Variants in PLD5 observed in about 807,000 individuals in gnomAD.
PLD5 encodes the protein phospholipase D family member 5.
Under a neutral mutation model 61.1 loss-of-function variants are expected in PLD5, and 36 were observed. The observed-to-expected ratio is 0.59, with a 90% CI of 0.45 to 0.78. The LOEUF is 0.78. Ranked by LOEUF, PLD5 falls within the 30% of genes least tolerant of loss-of-function variation. The pLI, the probability that PLD5 is intolerant of heterozygous loss-of-function variation, is 0.00. For synonymous variants in PLD5, 243 were observed against 242.8 expected (o/e 1.00, Z -0.01); for missense variants, 515 against 644.4 (o/e 0.80, Z 2.17).
Position 242,124,490 on chromosome 1 carries a change from G to A in PLD5, c.911C>T (p.Thr304Ile), listed in dbSNP as rs978977041. Residue 304 changes from threonine (T) to isoleucine (I), a missense_variant, in exon 6 of 10, where the codon ACC becomes ATC. This residue lies in a region of PLD5 where 450 missense variants were observed against 598.1 expected (regional missense o/e 0.75). Transcript: ENST00000536534. Reference protein sequence around the residue: ...EKKLQLQLNETKSQAFVSNSP... With the variant: ...EKKLQLQLNEIKSQAFVSNSP... The stretch of plus-strand genomic sequence containing the variant: ...CACCGATACAAATGCTTGAGATTTG[G>A]TTTCATTCAACTGAAGTTGCAATTT... The A allele has an allele frequency of 6.2e-7, 1 of 1,613,932 alleles. No homozygotes were observed. Among genetic ancestry groups the A allele is most frequent in the Non-Finnish European group, 8.5e-7 (1 of 1,179,898 alleles).
chr1:242,425,188 G>C (rs1665350355), intron 1 of PLD5, among the ~76,000 whole-genome samples: 1 of 152,202 alleles, frequency 6.6e-6, no homozygotes, highest in Non-Finnish European at 1.5e-5. Flanking sequence ...TCTGTGAAAT[G>C]TGTCACTAGG....
chr1:242,333,816 T>G (rs1205627492), intron 2 of PLD5, among the ~76,000 whole-genome samples: 1 of 152,154 alleles, frequency 6.6e-6, no homozygotes, highest in East Asian at 1.9e-4. Flanking sequence ...TTGCAGGAAA[T>G]TACAGGATTT....
At chr1:242,438,547 C>T (rs1276638504) in intron 1 of PLD5, among the ~76,000 whole-genome samples, 4 of 149,956 alleles carry the variant, frequency 2.7e-5, no homozygotes, top group Admixed American at 6.7e-5. Context: ...TGGGTTCAAG[C>T]GACTCTCCTA....
intron 5 of PLD5, among the ~76,000 whole-genome samples, chr1:242,128,365 T>C (rs1662966311): frequency 6.6e-6 from 1 of 151,152 alleles, no homozygotes; most frequent in African/African-American, 2.4e-5. Flanking sequence ...TTCTCAGAAG[T>C]ATTTGTCTGC....
rs181633054 is a variant in PLD5 at position 242,489,084 on chromosome 1, A to C, written c.189+35004T>G. ...ATGGATCTATTTCAAAAATATGATA[A>C]TGAGTGAAAGAAGCCAGACACAAAT... On this transcript the variant is annotated intron_variant, in intron 1 of 9. Transcript: ENST00000536534. Among the ~76,000 whole-genome samples, 357 of 152,274 alleles carry C rather than the reference A, an allele frequency of 2.3e-3. 2 individuals are homozygous for C. The highest frequency in any genetic ancestry group is 8.3e-3 in the African/African-American group (344 of 41,558).
intron 5 of PLD5, among the ~76,000 whole-genome samples, chr1:242,161,798 A>G (rs1665854868): frequency 1.3e-5 from 2 of 152,166 alleles, no homozygotes; most frequent in Admixed American, 1.3e-4. Flanking sequence ...TGTTAGAAAT[A>G]TATTTGGTGC....
At chr1:242,316,293 A>G (rs1242018911) in intron 2 of PLD5, among the ~76,000 whole-genome samples, 2 of 152,204 alleles carry the variant, frequency 1.3e-5, no homozygotes, top group Non-Finnish European at 2.9e-5. Flanking sequence ...TTTTGTACCC[A>G]ATAGAGCTTA....
Position 242,303,693 on chromosome 1 carries a change from T to C in PLD5, c.327-15163A>G, listed in dbSNP as rs141453417. 2.6e-3 allele frequency among the ~76,000 whole-genome samples: 397 copies of C among 152,334 alleles called. 2 individuals carry two copies. The highest frequency in any genetic ancestry group is 9.0e-3 in the African/African-American group (376 of 41,582). The stretch of plus-strand genomic sequence containing the variant: ...GACATTCTTAGGAACTGAGGACTTA[T>C]CATCAATTATTGCTAGTATTTGTTT... On this transcript the variant is annotated intron_variant, in intron 2 of 9. Coordinates refer to ENST00000536534, the MANE Select transcript of PLD5 (RefSeq NM_001372062.1).
chr1:242,437,686 C>CA (rs11308782), intron 1 of PLD5, among the ~76,000 whole-genome samples: 41 of 149,498 alleles, frequency 2.7e-4, no homozygotes, highest in Middle Eastern at 3.2e-3. Context: ...GTTTACGTCT[C>CA]AAAAAAAAAA....
intron 1 of PLD5, among the ~76,000 whole-genome samples, chr1:242,402,111 C>A (rs575094121): frequency 6.6e-6 from 1 of 152,306 alleles, no homozygotes; most frequent in Non-Finnish European, 1.5e-5. Flanking sequence ...TAAGAGATTT[C>A]AAGCCCATTC....
Position 242,256,921 on chromosome 1 carries a change from A to G in PLD5, c.607+8416T>C, listed in dbSNP as rs1432891778. 1.7e-5 allele frequency among the ~76,000 whole-genome samples: 2 copies of G among 115,928 alleles called. No homozygotes were observed. Among genetic ancestry groups the G allele is most frequent in the African/African-American group, 7.9e-5 (2 of 25,326 alleles). 76.1% of individuals were successfully genotyped at this position (115,928 alleles called of 152,430 possible). A position where few individuals can be genotyped will look rare whatever the true frequency, so the allele number is the denominator to read the frequency against. On this transcript the variant is annotated intron_variant, in intron 4 of 9. Coordinates refer to ENST00000536534, the MANE Select transcript of PLD5 (RefSeq NM_001372062.1). This position sits in a 1 kb window ranked among gnomAD's most constrained non-coding sequence, Gnocchi z 5.7. ...TCTTTCTTTTTTCATCTATCTATCT[A>G]TCTATCTATCTAATCTATCTCTACC... is the stretch of plus-strand genomic sequence containing the variant.
Position 242,084,107 on chromosome 1 carries a change from C to T in PLD5, c.*5747G>A, listed in dbSNP as rs1519908. 264 of 152,232 alleles carry T rather than the reference C, an allele frequency of 1.7e-3. No individual in the cohort carries two copies. The highest frequency in any genetic ancestry group is 5.9e-3 in the African/African-American group (247 of 41,530). 9.4% of individuals were successfully genotyped at this position (152,232 alleles called of 1,614,324 possible). On this transcript the variant is annotated 3_prime_UTR_variant, in exon 10 of 10. Transcript: ENST00000536534. ...TTATCTCTCATATAAAAATAAATCA[C>T]AAATAATCTTCACCCTTACTATGAT... is the stretch of plus-strand genomic sequence containing the variant.
Position 242,311,439 on chromosome 1 carries a change from A to T in PLD5, c.327-22909T>A, listed in dbSNP as rs1676692497. 4.6e-5 allele frequency among the ~76,000 whole-genome samples: 7 copies of T among 152,218 alleles called. No individual in the cohort carries two copies. In the South Asian group the frequency reaches 1.4e-3, roughly 32 times the overall value. ...AGAATTTTTACTTCCACTTCTGACCAGTTCCCAGGTGATGCTGATGCTGTA... is the reference window on the plus strand; with the variant it reads ...AGAATTTTTACTTCCACTTCTGACCTGTTCCCAGGTGATGCTGATGCTGTA... On this transcript the variant is annotated intron_variant, in intron 2 of 9. Transcript: ENST00000536534.
intron 4 of PLD5, among the ~76,000 whole-genome samples, chr1:242,246,866 T>C (rs772943645): frequency 1.3e-5 from 2 of 152,144 alleles, no homozygotes; most frequent in Non-Finnish European, 2.9e-5. Flanking sequence ...GAGACAGGAA[T>C]TGTGGTGAAA....
chr1:242,386,383 G>A (rs1002476737), intron 1 of PLD5, among the ~76,000 whole-genome samples: 2 of 152,124 alleles, frequency 1.3e-5, no homozygotes, highest in African/African-American at 2.4e-5. Context: ...TAAGTGATCC[G>A]TGTGAGCATC....
In PLD5 at chr1:242,207,876, A is replaced by T. The variant is rs374663245; in HGVS notation, c.735+12112T>A. Among the ~76,000 whole-genome samples the T allele has an allele frequency of 2.6e-3, 165 of 64,250 alleles. 6 individuals carry two copies. The highest frequency in any genetic ancestry group is 3.1e-3 in the East Asian group (6 of 1,932). 42.2% of individuals were successfully genotyped at this position (64,250 alleles called of 152,430 possible). A position where few individuals can be genotyped will look rare whatever the true frequency, so the allele number is the denominator to read the frequency against. On this transcript the variant is annotated intron_variant, in intron 5 of 9. Transcript: ENST00000536534. ...TTTATATATTTATATATTTATATAT[A>T]TTTATATATTTATATATATTTATAT...
chr1:242,448,065 C>G (rs1050058325), intron 1 of PLD5, among the ~76,000 whole-genome samples: 1 of 152,084 alleles, frequency 6.6e-6, no homozygotes, highest in African/African-American at 2.4e-5. Context: ...TTTTACCCAT[C>G]CTGACTAAGG....
intron 3 of PLD5, among the ~76,000 whole-genome samples, chr1:242,275,660 G>C (rs889477322): frequency 2.0e-5 from 3 of 152,148 alleles, no homozygotes; most frequent in Non-Finnish European, 4.4e-5. Flanking sequence ...TTCCAGGATG[G>C]AGGAAGACAG....
chr1:242,211,328 G>A (rs1306451974), intron 5 of PLD5, among the ~76,000 whole-genome samples: 1 of 152,200 alleles, frequency 6.6e-6, no homozygotes, highest in Non-Finnish European at 1.5e-5. Flanking sequence ...TCCTTACCTT[G>A]AGTTAGTAGC....
Sources: allele counts gnomAD v4.1 joint callset (sites outside exome capture counted in the v4.1 genomes callset), GRCh38; gene constraint gnomAD v4.1.1; regional missense constraint gnomAD v4.1.1; non-coding constraint Gnocchi (gnomAD v3.1); transcripts MANE v1.5; gene names NCBI Gene and HGNC (gene_info 2026-07-23, HGNC 2026-07-21).